Variants in CD99 observed in about 807,000 individuals in gnomAD.
CD99 encodes CD99 molecule (Xg blood group), also known as CD99 antigen.
A neutral mutation model predicts 28.4 loss-of-function variants in CD99; 19 were observed. The ratio of observed to expected loss-of-function variants is 0.67; its 90% CI spans 0.47 to 0.98. The LOEUF is 0.98. Among genes scored for constraint, CD99 ranks in the 50% least tolerant of loss-of-function variants. The probability of loss-of-function intolerance (pLI) is 0.00; values close to 1 mark genes in which losing one functional copy is unlikely to be tolerated. For synonymous variants in CD99, 103 were observed against 92.1 expected (o/e 1.12, Z -0.67); for missense variants, 283 against 248.8 (o/e 1.14, Z -0.92).
At position 2,741,071 on chromosome X, in the gene CD99, T is replaced by C; in HGVS notation, c.*267T>C. ...CGGTTTCCCATGGGATGTGAAAGGC[T>C]GGCCATTATTAAGTCCCTGTAACTC... On this transcript the variant is annotated 3_prime_UTR_variant, in exon 10 of 10. Transcript: ENST00000381192. 1 of 532,240 alleles carries C rather than the reference T, an allele frequency of 1.9e-6. No individual in the cohort carries two copies. The highest frequency in any genetic ancestry group is 3.4e-6 in the Non-Finnish European group (1 of 297,816). 33.0% of individuals were successfully genotyped at this position (532,240 alleles called of 1,614,324 possible). A position where few individuals can be genotyped will look rare whatever the true frequency, so the allele number is the denominator to read the frequency against.
At chrX:2,717,692 A>G (rs2048797474) in intron 3 of CD99, 40 bp downstream of exon 3, 2 of 1,575,988 alleles carry the variant, frequency 1.3e-6, no homozygotes, top group African/African-American at 1.3e-5. Flanking sequence ...GAAAAAGAGC[A>G]AATCATTTTC....
intron 1 of CD99, among the ~76,000 whole-genome samples, chrX:2,707,681 G>A (rs746806090): frequency 1.3e-5 from 2 of 152,320 alleles, no homozygotes; most frequent in East Asian, 1.9e-4. Context: ...AGTGGCAGTT[G>A]GGGGTTCTGC....
chrX:2,734,704 CT>C lies in CD99; in HGVS notation c.476-3488del, dbSNP rs56396325. 5.8e-3 allele frequency among the ~76,000 whole-genome samples: 771 copies of C among 134,000 alleles called. 13 individuals are homozygous for C. The highest frequency in any genetic ancestry group is 0.018 in the African/African-American group (656 of 36,238). The allele number at this position is 134,000 out of a possible 152,430, so 87.9% of individuals were successfully genotyped here. ...TATCTTATTTCTTTTACTTATTTTT[CT>C]TTTTTTTACTTTTATTTCTTCTCCG... On this transcript the variant is annotated intron_variant, in intron 8 of 9. Transcript: ENST00000381192.
chrX:2,717,403 G>A (rs2048779502), intron 2 of CD99: 2 of 578,494 alleles, frequency 3.5e-6, no homozygotes, highest in Non-Finnish European at 6.3e-6. Context: ...GGAAACCATG[G>A]CCGGTAGCAG....
At position 2,704,165 on chromosome X, in the gene CD99, A is replaced by G. The variant is rs773387951; in HGVS notation, c.68-10257A>G. Among the ~76,000 whole-genome samples the G allele has an allele frequency of 3.9e-5, 6 of 152,318 alleles. No homozygotes were observed. In the East Asian group the frequency reaches 1.2e-3, roughly 29 times the overall value. ...GTGTGAGGCGTGCTCAGCCCAGCCC[A>G]AACATTCACACCATTCTTTGGCCTC... On this transcript the variant is annotated intron_variant, in intron 1 of 9. Transcript: ENST00000381192.
intron 1 of CD99, among the ~76,000 whole-genome samples, chrX:2,694,128 C>T (rs1270275056): frequency 2.6e-5 from 4 of 152,198 alleles, no homozygotes; most frequent in African/African-American, 9.6e-5. Flanking sequence ...TGCTCTCTGG[C>T]AAAGGCTGAT....
chrX:2,709,610 GCA>G (rs2048294840), intron 1 of CD99, among the ~76,000 whole-genome samples: 2 of 152,344 alleles, frequency 1.3e-5, no homozygotes, highest in African/African-American at 2.4e-5. Context: ...GCACACACGT[GCA>G]CACACAGAAA....
At chrX:2,719,861 G>C in intron 4 of CD99, 156 bp downstream of exon 4, 1 of 219,354 alleles carries the variant, frequency 4.6e-6, no homozygotes, top group Non-Finnish European at 7.7e-6. Context: ...TCTTGCTGTT[G>C]TCGTTGGGTT....
chrX:2,736,327 G>A (rs1188963722), intron 8 of CD99, among the ~76,000 whole-genome samples: 28 of 152,048 alleles, frequency 1.8e-4, no homozygotes, highest in Admixed American at 1.8e-3. Flanking sequence ...TTTGTGAGGG[G>A]GAAACGCATG....
intron 8 of CD99, among the ~76,000 whole-genome samples, chrX:2,727,005 C>T (rs1423541654): frequency 1.3e-5 from 2 of 152,066 alleles, no homozygotes; most frequent in African/African-American, 4.8e-5. Context: ...GGCATGGTGG[C>T]GGGCGTCTGT....
At chrX:2,712,305 A>G (rs1014448730) in intron 1 of CD99, among the ~76,000 whole-genome samples, 3 of 152,154 alleles carry the variant, frequency 2.0e-5, no homozygotes, top group African/African-American at 4.8e-5. Context: ...TCAGGGGTCT[A>G]CTGTACTCAG....
At chrX:2,728,278 C>T (rs1489186156) in intron 8 of CD99, among the ~76,000 whole-genome samples, 1 of 147,980 alleles carries the variant, frequency 6.8e-6, no homozygotes, top group Non-Finnish European at 1.5e-5. Flanking sequence ...CATCTTGGCT[C>T]ACTGCAACCT....
chrX:2,725,405 T>C (rs1409505668), intron 7 of CD99, among the ~76,000 whole-genome samples: 3 of 151,998 alleles, frequency 2.0e-5, no homozygotes, highest in East Asian at 3.9e-4. Context: ...CTCAAAATAA[T>C]ACACAATAAT....
intron 1 of CD99, among the ~76,000 whole-genome samples, chrX:2,699,467 CTTTTTTTT>C (rs749766023): frequency 8.3e-6 from 1 of 120,886 alleles, no homozygotes; most frequent in Non-Finnish European, 1.7e-5. Flanking sequence ...CGCGCCCAGC[CTTTTTTTT>C]TTTTTTTTTT....
At chrX:2,703,614 G>C (rs1272636439) in intron 1 of CD99, among the ~76,000 whole-genome samples, 5 of 132,144 alleles carry the variant, frequency 3.8e-5, no homozygotes, top group Non-Finnish European at 8.0e-5. Flanking sequence ...AAGTGTGTGT[G>C]TGTGTGTGTG....
intron 7 of CD99, 100 bp downstream of exon 7, chrX:2,723,464 C>T: frequency 1.5e-6 from 2 of 1,359,124 alleles, no homozygotes; most frequent in Non-Finnish European, 2.1e-6. Flanking sequence ...GCATTGGCCT[C>T]CTAAAGCTAC....
At chrX:2,737,064 G>C (rs1436105127) in intron 8 of CD99, among the ~76,000 whole-genome samples, 1 of 152,012 alleles carries the variant, frequency 6.6e-6, no homozygotes, top group Admixed American at 6.6e-5. Flanking sequence ...GGGGACAGGA[G>C]AGCCAATTCA....
chrX:2,728,760 C>G (rs143369477), intron 8 of CD99, among the ~76,000 whole-genome samples: 5 of 151,704 alleles, frequency 3.3e-5, no homozygotes, highest in Admixed American at 2.6e-4. Flanking sequence ...TAATATTCAA[C>G]CAGGAGGTAA....
intron 8 of CD99, among the ~76,000 whole-genome samples, chrX:2,735,026 T>C (rs755045409): frequency 1.8e-4 from 27 of 152,188 alleles, no homozygotes; most frequent in African/African-American, 6.3e-4. Context: ...CCCCAACTCT[T>C]TGAAGGATGT....
Sources: allele counts gnomAD v4.1 joint callset (sites outside exome capture counted in the v4.1 genomes callset), GRCh38; gene constraint gnomAD v4.1.1; transcripts MANE v1.5; gene names NCBI Gene and HGNC (gene_info 2026-07-23, HGNC 2026-07-21).